CUL9: variants seen among roughly 807,000 people sequenced by gnomAD.
The protein encoded by CUL9 is cullin 9, also known as cullin-9.
CUL9 carries 79 observed loss-of-function variants against 272.6 expected under a neutral mutation model. That is an observed-to-expected ratio of 0.29 (90% CI 0.24 to 0.35). The LOEUF (loss-of-function observed/expected upper bound fraction) is 0.35, where lower values mean the gene tolerates loss of function less well. CUL9 is among the 10% of genes least tolerant of loss of function. The probability of loss-of-function intolerance (pLI) is 1.00; values close to 1 mark genes in which losing one functional copy is unlikely to be tolerated. For synonymous variants in CUL9, 1,186 were observed against 1,286.5 expected (o/e 0.92, Z 1.67); for missense variants, 2,532 against 3,255.6 (o/e 0.78, Z 5.41).
chr6:43,217,091 C>T (rs1261522696), intron 31 of CUL9, among the ~76,000 whole-genome samples: 3 of 152,128 alleles, frequency 2.0e-5, no homozygotes, highest in Non-Finnish European at 4.4e-5. Context: ...AGGTAGTGTG[C>T]ATGCCTATAA....
At chr6:43,217,377 G>C (rs1035706202) in intron 31 of CUL9, among the ~76,000 whole-genome samples, 3 of 152,102 alleles carry the variant, frequency 2.0e-5, no homozygotes, top group South Asian at 2.1e-4. Context: ...TGCTCTATAG[G>C]CTTGCTTCTA....
At chr6:43,204,888 G>C in intron 22 of CUL9, 31 bp downstream of exon 22, 1 of 1,612,996 alleles carries the variant, frequency 6.2e-7, no homozygotes, top group South Asian at 1.1e-5. Flanking sequence ...GTCTGCAGAG[G>C]GGAGGGGCTG....
chr6:43,217,054 C>A (rs1053279750), intron 31 of CUL9, among the ~76,000 whole-genome samples: 3 of 152,088 alleles, frequency 2.0e-5, no homozygotes, highest in African/African-American at 7.2e-5. Context: ...TCATTTAATA[C>A]AAAAATTTTT....
In CUL9 at chr6:43,186,985, C is replaced by T. The variant is rs1381093378; in HGVS notation, c.1277C>T (p.Thr426Ile). ...VQVFWQSTGR[T>I]YWVHWHMLEI... is the part of the protein sequence containing the mutation. ...GTTTTCTGGCAGTCGACAGGCCGCA[C>T]TTACTGGGTGCACTGGCACATGCTG... The change falls in exon 5 of 41, where the codon ACT becomes ATT. Residue 426 changes from threonine to isoleucine, a missense_variant. By Grantham distance (89) the Thr-to-Ile change is moderately conservative. Coordinates refer to ENST00000252050, the MANE Select transcript of CUL9 (RefSeq NM_015089.4). 3 of 1,613,972 alleles carry T rather than the reference C, an allele frequency of 1.9e-6. No individual in the cohort carries two copies. Among genetic ancestry groups the T allele is most frequent in the Non-Finnish European group, 2.5e-6 (3 of 1,179,986 alleles).
Position 43,188,092 on chromosome 6 carries a change from C to T in CUL9, c.1961C>T (p.Pro654Leu), listed in dbSNP as rs1209802922. Residue 654 changes from proline (P) to leucine (L), a missense_variant, in exon 7 of 41, where the codon CCC (proline) becomes CTC (leucine). Physicochemically the swap from Pro to Leu is moderately conservative, Grantham distance 98 (BLOSUM62 -3). Transcript: ENST00000252050. ...QLLVTEGMTL[P>L]TEMKEAASEM... is the part of the protein sequence containing the mutation. ...CTGGTGACTGAGGGGATGACCCTGC[C>T]CACTGAGATGAAGGAGGCAGCCAGT... 1 of 1,613,732 alleles carries T rather than the reference C, an allele frequency of 6.2e-7. No homozygotes were observed.
chr6:43,188,063 G>A lies in CUL9; in HGVS notation c.1932G>A (p.Gln644=). The A allele has an allele frequency of 6.2e-7, 1 of 1,613,870 alleles. No homozygotes were observed. The highest frequency in any genetic ancestry group is 8.5e-7 in the Non-Finnish European group (1 of 1,180,024). The part of the protein sequence containing the change: ...MAQSDSQLFN[Q]LLVTEGMTLP... ...AGAGTGATTCTCAGCTGTTTAACCAGCTTCTGGTGACTGAGGGGATGACCC... is the reference window on the plus strand; with the variant it reads ...AGAGTGATTCTCAGCTGTTTAACCAACTTCTGGTGACTGAGGGGATGACCC... The change falls in exon 7 of 41, where the codon CAG becomes CAA. Residue 644 remains glutamine (Q), a synonymous_variant. Coordinates refer to ENST00000252050, the MANE Select transcript of CUL9 (RefSeq NM_015089.4).
chr6:43,217,523 C>G (rs1465288377), intron 31 of CUL9, among the ~76,000 whole-genome samples: 1 of 152,186 alleles, frequency 6.6e-6, no homozygotes, highest in Admixed American at 6.5e-5. Context: ...GGTGCCAAGC[C>G]CAAACACTTC....
chr6:43,221,208 T>TG lies in CUL9; in HGVS notation c.6641dup (p.Tyr2215LeufsTer3). On this transcript the variant is annotated frameshift_variant, in exon 34 of 41. Transcript: ENST00000252050. LOFTEE classifies it high-confidence loss of function. The surrounding 1 kb of genome is among the most constrained non-coding windows in gnomAD (Gnocchi z 4.2). Reference sequence around the variant, plus strand: ...ATATGTCTCAGTGGGTCGACGACGGTGGCTACTATGACGGCATGAGCGTGG... The same window carrying TG: ...ATATGTCTCAGTGGGTCGACGACGGTGGGCTACTATGACGGCATGAGCGTGG... 6.2e-7 allele frequency: 1 copy of TG among 1,611,542 alleles called. No individual in the cohort carries two copies. The highest frequency in any genetic ancestry group is 8.5e-7 in the Non-Finnish European group (1 of 1,179,944).
rs1320601693 is a variant in CUL9, at chr6:43,218,536, C to G, written c.6283-1923C>G. 6.6e-6 allele frequency among the ~76,000 whole-genome samples: 1 copy of G among 152,172 alleles called. No individual in the cohort carries two copies. Among genetic ancestry groups the G allele is most frequent in the Non-Finnish European group, 1.5e-5 (1 of 68,028 alleles). ...CGGCCCTACATTTTTTAAAAGATCGCTTCTGCCGTTGTGTGGAGAAAAGGC... is the reference window on the plus strand; with the variant it reads ...CGGCCCTACATTTTTTAAAAGATCGGTTCTGCCGTTGTGTGGAGAAAAGGC... On this transcript the variant is annotated intron_variant, in intron 31 of 40. Transcript: ENST00000252050. The surrounding 1 kb of genome is among the most constrained non-coding windows in gnomAD (Gnocchi z 4.4).
chr6:43,198,842 C>T lies in CUL9; in HGVS notation c.3037C>T (p.Leu1013=). The T allele has an allele frequency of 6.2e-7, 1 of 1,613,452 alleles. No homozygotes were observed. The highest frequency in any genetic ancestry group is 8.5e-7 in the Non-Finnish European group (1 of 1,180,018). The change falls in exon 12 of 41, where the codon CTG becomes TTG. Residue 1013 remains leucine (L), a synonymous_variant. Transcript: ENST00000252050. The part of the protein sequence containing the change: ...DAPGPNKTLL[L]SVLRVITRLL... The stretch of plus-strand genomic sequence containing the variant: ...TCCGGGGCCCAACAAGACTCTGCTG[C>T]TGTCTGTGCTGAGGTGAGGGGCCTG...
intron 1 of CUL9, among the ~76,000 whole-genome samples, chr6:43,183,483 C>T (rs1772610934): frequency 6.6e-6 from 1 of 152,136 alleles, no homozygotes; most frequent in Non-Finnish European, 1.5e-5. Flanking sequence ...GCTCCCTGTC[C>T]TGCCCCTCCG....
At chr6:43,216,677 T>C (rs1582421189) in intron 31 of CUL9, among the ~76,000 whole-genome samples, 174 bp downstream of exon 31, 1 of 152,210 alleles carries the variant, frequency 6.6e-6, no homozygotes, top group Non-Finnish European at 1.5e-5. Flanking sequence ...TGGTACCACC[T>C]GCCTTGACAC....
chr6:43,222,746 GGCAGGCGGGAGAGCTGATGGGAGCCCCT>G lies in CUL9; in HGVS notation c.7033-27_7033del. The G allele has an allele frequency of 7.5e-6, 12 of 1,608,974 alleles. No individual in the cohort carries two copies. Among genetic ancestry groups the G allele is most frequent in the Non-Finnish European group, 1.0e-5 (12 of 1,176,174 alleles). ...GCCTGGGTGAAGGGAATGAGGAGAG[GGCAGGCGGGAGAGCTGATGGGAGCCCCT>G]GCAGGTGCTGGCCTACGCCTGCGTG... On this transcript the variant is annotated splice_region_variant and splice_polypyrimidine_tract_variant and intron_variant, in intron 37 of 40. Transcript: ENST00000252050.
At chr6:43,212,944 G>A in intron 26 of CUL9, 2 of 590,720 alleles carry the variant, frequency 3.4e-6, no homozygotes, top group Non-Finnish European at 6.0e-6. Flanking sequence ...GTCTAGGGAT[G>A]GGCTCCTAGA....
rs1409640092 is a variant in CUL9 at position 43,221,446 on chromosome 6, C to T, written c.6752+125C>T. 11 of 1,160,584 alleles carry T rather than the reference C, an allele frequency of 9.5e-6. No individual in the cohort carries two copies. The Admixed American group carries it at 1.6e-4, about 17-fold the overall frequency. 71.9% of individuals were successfully genotyped at this position (1,160,584 alleles called of 1,614,324 possible). A position where few individuals can be genotyped will look rare whatever the true frequency, so the allele number is the denominator to read the frequency against. ...AGGGTGGTTCCTCAGCCGCCCCTCA[C>T]GTGGCAGCCTCCACGGTGACTTCCT... On this transcript the variant is annotated intron_variant, in intron 34 of 40. Transcript: ENST00000252050. This position sits in a 1 kb window ranked among gnomAD's most constrained non-coding sequence, Gnocchi z 4.2.
chr6:43,186,537 G>T (rs1473823322), intron 4 of CUL9, 82 bp downstream of exon 4: 14 of 1,506,578 alleles, frequency 9.3e-6, no homozygotes, highest in African/African-American at 2.8e-5. Flanking sequence ...GAGGACTCCT[G>T]CAGGCCACCC....
At position 43,201,680 on chromosome 6, in the gene CUL9, C is replaced by T. The variant is rs971408526; in HGVS notation, c.3647+846C>T. ...ATTTTTAGTAGAGACGGGGTTTCAC[C>T]GTGTTAGTCAGGATGGTCTCGATCT... On this transcript the variant is annotated intron_variant, in intron 16 of 40. Coordinates refer to ENST00000252050, the MANE Select transcript of CUL9 (RefSeq NM_015089.4). Among the ~76,000 whole-genome samples, 6 of 152,204 alleles carry T rather than the reference C, an allele frequency of 3.9e-5. No homozygotes were observed. The East Asian group carries it at 5.8e-4, about 15-fold the overall frequency.
chr6:43,197,557 C>G lies in CUL9; in HGVS notation c.2803+695C>G, dbSNP rs572697493. Among the ~76,000 whole-genome samples the G allele has an allele frequency of 2.0e-5, 3 of 151,976 alleles. No individual in the cohort carries two copies. The South Asian group carries it at 6.2e-4, about 32-fold the overall frequency. On this transcript the variant is annotated intron_variant, in intron 11 of 40. Coordinates refer to ENST00000252050, the MANE Select transcript of CUL9 (RefSeq NM_015089.4). ...GGAATGCAGTTGCACGATCTCTGCTCACTGCAAGCTCCGCCTCCCGGGTTC... is the reference window on the plus strand; with the variant it reads ...GGAATGCAGTTGCACGATCTCTGCTGACTGCAAGCTCCGCCTCCCGGGTTC...
intron 4 of CUL9, 83 bp from the exon 5 acceptor site, chr6:43,186,877 A>G (rs771863051): frequency 4.5e-5 from 69 of 1,527,946 alleles, no homozygotes; most frequent in Non-Finnish European, 6.0e-5. Context: ...ATGCTTGGGC[A>G]TGTCCTTTCA....
Sources: gnomAD v4.1 joint callset for allele counts (sites outside exome capture counted in the v4.1 genomes callset) on GRCh38, gnomAD v4.1.1 for gene constraint, Gnocchi (gnomAD v3.1) non-coding constraint, MANE v1.5 for transcripts, NCBI Gene and HGNC (gene_info 2026-07-23, HGNC 2026-07-21) for gene names.